NF1: variants seen among roughly 807,000 people sequenced by gnomAD.
NF1 encodes neurofibromin 1.
In NF1, 122 loss-of-function variants were observed where a neutral mutation model predicts 325.7. That is an observed-to-expected ratio of 0.37 (90% CI 0.32 to 0.44). NF1 has a LOEUF of 0.44. NF1 is among the 20% of genes least tolerant of loss of function. The pLI, the probability that NF1 is intolerant of heterozygous loss-of-function variation, is 1.00. For synonymous variants in NF1, 1,091 were observed against 1,186.0 expected, an observed-to-expected ratio of 0.92 and a Z score of 1.65; for missense variants, 2,140 against 3,415.4, an observed-to-expected ratio of 0.63 and a Z score of 9.31.
intron 57 of NF1, among the ~76,000 whole-genome samples, chr17:31,372,390 C>T (rs150174676): frequency 1.6e-3 from 239 of 151,912 alleles, no homozygotes; most frequent in Non-Finnish European, 2.6e-3. Flanking sequence ...TTTGCTTTCC[C>T]GCCAAAATTT....
chr17:31,103,185 C>T (rs2143228554), intron 1 of NF1, among the ~76,000 whole-genome samples: 1 of 151,952 alleles, frequency 6.6e-6, no homozygotes, highest in Non-Finnish European at 1.5e-5. Context: ...TTTTGCCCTA[C>T]TCTTTTTATT....
At chr17:31,138,912 AT>A (rs1916000231) in intron 1 of NF1, among the ~76,000 whole-genome samples, 1 of 151,976 alleles carries the variant, frequency 6.6e-6, no homozygotes, top group South Asian at 2.1e-4. Context: ...AATTTACCGT[AT>A]TTTGAAGTTT....
At chr17:31,370,247 G>T (rs951864663) in intron 57 of NF1, among the ~76,000 whole-genome samples, 5 of 152,062 alleles carry the variant, frequency 3.3e-5, no homozygotes, top group African/African-American at 4.8e-5. Flanking sequence ...TGAAGCTTTT[G>T]GTTATGAGGG....
intron 36 of NF1, chr17:31,305,189 A>G (rs2068681311): frequency 6.2e-7 from 1 of 1,613,976 alleles, no homozygotes; most frequent in Admixed American, 1.7e-5. Flanking sequence ...TAGACAAATG[A>G]CTTTGGTGGT....
intron 12 of NF1, among the ~76,000 whole-genome samples, chr17:31,213,637 G>A (rs1468852082): frequency 6.6e-6 from 1 of 152,144 alleles, no homozygotes; most frequent in Non-Finnish European, 1.5e-5. Context: ...AATAGGTGAT[G>A]TTAGCTCTGG....
chr17:31,376,920 T>C lies in NF1; in HGVS notation c.*2765T>C. ...CTGTCTTCCATTCACTCAACACCTG[T>C]TCATGACTGAGCCAGGTGCCCAGGA... On this transcript the variant is annotated 3_prime_UTR_variant, in exon 58 of 58. Transcript: ENST00000358273. 1 of 233,314 alleles carries C rather than the reference T, an allele frequency of 4.3e-6. No individual in the cohort carries two copies. Among genetic ancestry groups the C allele is most frequent in the Non-Finnish European group, 8.5e-6 (1 of 118,076 alleles). The allele number at this position is 233,314 out of a possible 1,614,324, so 14.5% of individuals were successfully genotyped here.
chr17:31,095,529 C>A, intron 1 of NF1, 160 bp downstream of exon 1: 2 of 648,924 alleles, frequency 3.1e-6, no homozygotes, highest in Non-Finnish European at 5.0e-6. Context: ...TGGGGGTGGC[C>A]AAGGCGGGAG....
chr17:31,186,927 C>A (rs2066249929), intron 8 of NF1, among the ~76,000 whole-genome samples: 1 of 152,188 alleles, frequency 6.6e-6, no homozygotes, highest in Non-Finnish European at 1.5e-5. Flanking sequence ...TGACATCATT[C>A]CTCAGGGTGA....
At chr17:31,125,459 G>C (rs1914799129) in intron 1 of NF1, among the ~76,000 whole-genome samples, 1 of 152,004 alleles carries the variant, frequency 6.6e-6, no homozygotes, top group Non-Finnish European at 1.5e-5. Flanking sequence ...TCTGGGAGCA[G>C]AATTTTTCAT....
chr17:31,306,578 G>A (rs2068726909), intron 36 of NF1, among the ~76,000 whole-genome samples: 1 of 152,010 alleles, frequency 6.6e-6, no homozygotes, highest in African/African-American at 2.4e-5. Flanking sequence ...AATCTTTGAA[G>A]CATCCTTAGT....
intron 36 of NF1, among the ~76,000 whole-genome samples, chr17:31,278,011 C>G (rs949808359): frequency 3.3e-5 from 5 of 152,066 alleles, no homozygotes; most frequent in Admixed American, 3.3e-4. Flanking sequence ...AGCTATAGTC[C>G]CAGCAACTCA....
intron 1 of NF1, among the ~76,000 whole-genome samples, chr17:31,101,373 C>G (rs1205773309): frequency 1.3e-5 from 2 of 152,106 alleles, no homozygotes; most frequent in Non-Finnish European, 2.9e-5. Flanking sequence ...CATTAGCTTT[C>G]CTATAGATCC....
intron 1 of NF1, among the ~76,000 whole-genome samples, chr17:31,108,262 GTTTTTTTTTTTT>G (rs56180844): frequency 4.8e-5 from 4 of 82,520 alleles, no homozygotes; most frequent in East Asian, 3.4e-4. Flanking sequence ...AAAGTAGAGA[GTTTTTTTTTTTT>G]TTTTTTTTTT....
intron 3 of NF1, among the ~76,000 whole-genome samples, chr17:31,159,886 C>T (rs2065732235): frequency 6.6e-6 from 1 of 151,954 alleles, no homozygotes; most frequent in African/African-American, 2.4e-5. Context: ...TGTTTTGATT[C>T]AGAATTGCTT....
chr17:31,278,493 CTTTTTTTTTTTTTTTTTTT>C (rs200450821), intron 36 of NF1, among the ~76,000 whole-genome samples: 31 of 15,340 alleles, frequency 2.0e-3, no homozygotes, highest in African/African-American at 4.3e-3. Context: ...GTAATTGAAG[CTTTTTTTTTTTTTTTTTTT>C]TTTTTTTTTT....
chr17:31,275,411 A>G (rs1293672928), intron 36 of NF1, among the ~76,000 whole-genome samples: 2 of 152,230 alleles, frequency 1.3e-5, no homozygotes, highest in African/African-American at 4.8e-5. Context: ...AAGGGCGAGT[A>G]TAGTACAATA....
intron 29 of NF1, among the ~76,000 whole-genome samples, chr17:31,247,193 C>CAAAAAAAAAAAAA (rs10564306): frequency 1.1e-5 from 1 of 94,442 alleles, no homozygotes; most frequent in Non-Finnish European, 2.4e-5. Flanking sequence ...GACTCCATCT[C>CAAAAAAAAAAAAA]AAAAAAAAAA....
rs16972152 is a variant in NF1, at chr17:31,291,342, T to C, written c.4835+26003T>C. 7.8e-3 allele frequency among the ~76,000 whole-genome samples: 1,195 copies of C among 152,294 alleles called. 20 individuals are homozygous for C. The highest frequency in any genetic ancestry group is 0.028 in the African/African-American group (1,144 of 41,560). On this transcript the variant is annotated intron_variant, in intron 36 of 57. Transcript: ENST00000358273. ...ATACTTCTCATTAATATTTTTCAGA[T>C]TTTCCCCATTTGATGCTGCATATTT...
rs1441937734 is a variant in NF1 at position 31,340,637 on chromosome 17, A to C, written c.7054A>C (p.Asn2352His). ...TACTTTAGATAGTCTCCGTATATTCAATGACAAGGTAAGCAAACTTTGCCT... is the reference window on the plus strand; with the variant it reads ...TACTTTAGATAGTCTCCGTATATTCCATGACAAGGTAAGCAAACTTTGCCT... ...LHTLDSLRIF[N>H]DKSPEEVFMA... is the part of the protein sequence containing the mutation. Residue 2352 changes from asparagine to histidine, a missense_variant, in exon 47 of 58, where the codon AAT becomes CAT. Transcript: ENST00000358273. 1.2e-6 allele frequency: 2 copies of C among 1,614,024 alleles called. No homozygotes were observed. Among genetic ancestry groups the C allele is most frequent in the Non-Finnish European group, 1.7e-6 (2 of 1,180,014 alleles).
Sources: gnomAD v4.1 joint callset for allele counts (sites outside exome capture counted in the v4.1 genomes callset) on GRCh38, gnomAD v4.1.1 for gene constraint, MANE v1.5 for transcripts, NCBI Gene and HGNC (gene_info 2026-07-23, HGNC 2026-07-21) for gene names.